CALCOCO2: variants seen among roughly 807,000 people sequenced by gnomAD.
CALCOCO2 encodes calcium binding and coiled-coil domain 2.
Under a neutral mutation model 62.5 loss-of-function variants are expected in CALCOCO2, and 42 were observed. The ratio of observed to expected loss-of-function variants is 0.67; its 90% CI spans 0.53 to 0.87. The LOEUF (loss-of-function observed/expected upper bound fraction) is 0.87, where lower values mean the gene tolerates loss of function less well. Among genes scored for constraint, CALCOCO2 ranks in the 40% least tolerant of loss-of-function variants. The pLI, the probability that CALCOCO2 is intolerant of heterozygous loss-of-function variation, is 0.00. For synonymous variants in CALCOCO2, 167 were observed against 173.0 expected (o/e 0.97, Z 0.27); for missense variants, 456 against 515.0 (o/e 0.89, Z 1.11).
chr17:48,862,686 G>GTGCAT lies in CALCOCO2; in HGVS notation c.1174-150_1174-146dup, dbSNP rs1035725087. The GTGCAT allele has an allele frequency of 4.5e-6, 3 of 660,500 alleles. No homozygotes were observed. In the African/African-American group the frequency reaches 5.4e-5, roughly 12 times the overall value. The allele number at this position is 660,500 out of a possible 1,614,324, so 40.9% of individuals were successfully genotyped here. On this transcript the variant is annotated intron_variant, in intron 12 of 12. Transcript: ENST00000258947. The stretch of plus-strand genomic sequence containing the variant: ...CGAAGCCTGGTAAGCATCTTCAAAT[G>GTGCAT]TGCATTCTCTTCATTCATTCACTAT...
In CALCOCO2 at chr17:48,848,344, T is replaced by C; in HGVS notation, c.306T>C (p.Asp102=). 1 of 1,611,606 alleles carries C rather than the reference T, an allele frequency of 6.2e-7. No homozygotes were observed. The highest frequency in any genetic ancestry group is 8.5e-7 in the Non-Finnish European group (1 of 1,177,690). ...CAGCTTACTACCTGCCCAAGGATGA[T>C]GAGTATTACCAGTTCTGCTATGTGG... is the stretch of plus-strand genomic sequence containing the variant. The part of the protein sequence containing the change: ...QFKAYYLPKD[D]EYYQFCYVDE... Residue 102 remains aspartate (D), a synonymous_variant, in exon 4 of 13, where the codon GAT becomes GAC. Transcript: ENST00000258947.
rs765125675 is a variant in CALCOCO2 at position 48,841,862 on chromosome 17, G to A, written c.155G>A (p.Arg52Gln). Residue 52 changes from arginine to glutamine, a missense_variant, in exon 2 of 13, where the codon CGA (arginine) becomes CAA (glutamine). Arg to Gln is a conservative substitution (Grantham distance 43). Around this residue, in one of 3 missense-constraint regions of CALCOCO2, gnomAD observed 48 missense variants for 79.3 expected, o/e 0.61. Transcript: ENST00000258947. ...TTCACCCAGCATTTCATCCCTCGTC[G>A]AAAGGATTGGATTGGCATCTTTAGA... is the stretch of plus-strand genomic sequence containing the variant. ...YTFTQHFIPR[R>Q]KDWIGIFRVG... The A allele has an allele frequency of 1.2e-5, 19 of 1,612,318 alleles. No individual in the cohort carries two copies. Among genetic ancestry groups the A allele is most frequent in the East Asian group, 2.2e-5 (1 of 44,828 alleles).
chr17:48,858,836 C>T (rs993568075), intron 10 of CALCOCO2, among the ~76,000 whole-genome samples: 8 of 151,478 alleles, frequency 5.3e-5, no homozygotes, highest in South Asian at 2.1e-4. Context: ...GGGTGGATCA[C>T]GAGGTCAGGA....
chr17:48,860,656 G>A (rs1036315451), intron 11 of CALCOCO2, among the ~76,000 whole-genome samples: 12 of 152,178 alleles, frequency 7.9e-5, no homozygotes, highest in Admixed American at 2.0e-4. Context: ...CAGATCATTC[G>A]CCTAGAGGCA....
chr17:48,831,634 G>A (rs1177133007), intron 1 of CALCOCO2: 5 of 152,248 alleles, frequency 3.3e-5, no homozygotes, highest in Non-Finnish European at 5.9e-5. Flanking sequence ...GAAAGACGGT[G>A]TCGTGACCTG....
chr17:48,858,697 G>A (rs991826789), intron 10 of CALCOCO2, among the ~76,000 whole-genome samples: 2 of 151,680 alleles, frequency 1.3e-5, no homozygotes, highest in Non-Finnish European at 2.9e-5. Context: ...TTTGATTGTG[G>A]GGGGGGGCAG....
intron 1 of CALCOCO2, 191 bp from the exon 2 acceptor site, chr17:48,841,507 G>A (rs1017091037): frequency 5.7e-5 from 26 of 457,170 alleles, no homozygotes; most frequent in African/African-American, 3.2e-4. Context: ...GAAAATTCTC[G>A]TAGCATAGGA....
At chr17:48,853,409 AT>A (rs1200310473) in intron 9 of CALCOCO2, among the ~76,000 whole-genome samples, 1 of 152,204 alleles carries the variant, frequency 6.6e-6, no homozygotes, top group Non-Finnish European at 1.5e-5. Flanking sequence ...TATATTAGCA[AT>A]TATCATCATT....
rs533900787 is a variant in CALCOCO2 at position 48,862,456 on chromosome 17, G to A, written c.1173+152G>A. 6.8e-5 allele frequency: 47 copies of A among 690,048 alleles called. No homozygotes were observed. In the South Asian group the frequency reaches 7.7e-4, roughly 11 times the overall value. 42.7% of individuals were successfully genotyped at this position (690,048 alleles called of 1,614,324 possible). A position where few individuals can be genotyped will look rare whatever the true frequency, so the allele number is the denominator to read the frequency against. ...TTGTTTTGGGCCCAAGGCTGAGCCA[G>A]CCTGTTGTGGAAGGGAGATGAAAGC... On this transcript the variant is annotated intron_variant, in intron 12 of 12. Coordinates refer to ENST00000258947, the MANE Select transcript of CALCOCO2 (RefSeq NM_005831.5).
intron 1 of CALCOCO2, among the ~76,000 whole-genome samples, chr17:48,836,524 A>G (rs1314257496): frequency 6.6e-6 from 1 of 152,230 alleles, no homozygotes; most frequent in African/African-American, 2.4e-5. Flanking sequence ...TATCCAACAA[A>G]TACTTAATCA....
At chr17:48,853,469 T>C (rs181115647) in intron 9 of CALCOCO2, among the ~76,000 whole-genome samples, 59 of 152,344 alleles carry the variant, frequency 3.9e-4, no homozygotes, top group African/African-American at 1.3e-3. Context: ...TTTCCTGTAA[T>C]ATATTGTTGA....
chr17:48,855,351 A>ATT (rs2040200409), intron 9 of CALCOCO2, among the ~76,000 whole-genome samples: 1 of 152,236 alleles, frequency 6.6e-6, no homozygotes, highest in Non-Finnish European at 1.5e-5. Context: ...GTCACTGGGT[A>ATT]GCCCCCTCTG....
At chr17:48,845,158 A>T (rs1056015452) in intron 2 of CALCOCO2, among the ~76,000 whole-genome samples, 2 of 151,932 alleles carry the variant, frequency 1.3e-5, no homozygotes, top group African/African-American at 4.8e-5. Flanking sequence ...TTTTTTAAAG[A>T]TGTATCTATA....
chr17:48,859,477 CT>C (rs1250609855), intron 10 of CALCOCO2, among the ~76,000 whole-genome samples: 1 of 151,982 alleles, frequency 6.6e-6, no homozygotes, highest in Non-Finnish European at 1.5e-5. Flanking sequence ...TGTCGTGTGC[CT>C]GTAGTCCCAG....
Position 48,852,504 on chromosome 17 carries a change from AG to A in CALCOCO2, c.703del. ...TGGTTATGTTCACTATTTTTGTTTT[AG>A]GCCCAGCTGTCAACTCAAGAGAAAG... On this transcript the variant is annotated splice_acceptor_variant, in intron 7 of 12. Transcript: ENST00000258947. LOFTEE classifies it high-confidence loss of function. 1 of 1,611,110 alleles carries A rather than the reference AG, an allele frequency of 6.2e-7. No homozygotes were observed. The highest frequency in any genetic ancestry group is 8.5e-7 in the Non-Finnish European group (1 of 1,178,800).
At chr17:48,854,982 CG>C (rs1049860527) in intron 9 of CALCOCO2, among the ~76,000 whole-genome samples, 1 of 152,090 alleles carries the variant, frequency 6.6e-6, no homozygotes, top group Non-Finnish European at 1.5e-5. Flanking sequence ...TCAGCCAACT[CG>C]GGGCGGCTGC....
chr17:48,838,099 C>T (rs1330787266), intron 1 of CALCOCO2, among the ~76,000 whole-genome samples: 3 of 151,918 alleles, frequency 2.0e-5, no homozygotes, highest in South Asian at 2.1e-4. Flanking sequence ...CTGAGCTCCC[C>T]GAGTGAGCAA....
intron 4 of CALCOCO2, chr17:48,848,791 T>C (rs1598035253): frequency 2.0e-6 from 1 of 503,494 alleles, no homozygotes; most frequent in Non-Finnish European, 3.9e-6. Context: ...AATATTCTTA[T>C]CTCTTTCAGT....
Position 48,858,045 on chromosome 17 carries a change from A to G in CALCOCO2, c.1008+1858A>G, listed in dbSNP as rs541326716. 4.1e-3 allele frequency among the ~76,000 whole-genome samples: 46 copies of G among 11,128 alleles called. 7 individuals carry two copies. Among genetic ancestry groups the G allele is most frequent in the Admixed American group, 0.039 (37 of 940 alleles). 7.3% of individuals were successfully genotyped at this position (11,128 alleles called of 152,430 possible). ...AATAGAATAGAATAGAATAGAATAGAAAATAGAATAGAATAGAATAGAATA... is the reference window on the plus strand; with the variant it reads ...AATAGAATAGAATAGAATAGAATAGGAAATAGAATAGAATAGAATAGAATA... On this transcript the variant is annotated intron_variant, in intron 10 of 12. Coordinates refer to ENST00000258947, the MANE Select transcript of CALCOCO2 (RefSeq NM_005831.5).
Sources: gnomAD v4.1 joint callset for allele counts (sites outside exome capture counted in the v4.1 genomes callset) on GRCh38, gnomAD v4.1.1 for gene constraint, gnomAD v4.1.1 regional missense constraint, MANE v1.5 for transcripts, NCBI Gene and HGNC (gene_info 2026-07-23, HGNC 2026-07-21) for gene names.